The following TBL1X variants were observed in gnomAD, a reference collection of about 807,000 sequenced individuals.
TBL1X encodes the protein transducin beta like 1 X-linked, also known as F-box-like/WD repeat-containing protein TBL1X.
A neutral mutation model predicts 50.7 loss-of-function variants in TBL1X; 10 were observed. The observed-to-expected ratio is 0.20, with a 90% confidence interval of 0.12 to 0.33. The LOEUF is 0.33. TBL1X is among the 10% of genes least tolerant of loss of function. TBL1X has a pLI of 1.00. For synonymous variants in TBL1X, 190 were observed against 214.7 expected (o/e 0.88, Z 1.01); for missense variants, 340 against 504.4 (o/e 0.67, Z 3.12).
rs150250433 is a variant in TBL1X, at chrX:9,660,304, C to T, written c.211+5982C>T. On this transcript the variant is annotated intron_variant, in intron 5 of 17. Transcript: ENST00000645353. The stretch of plus-strand genomic sequence containing the variant: ...AAAAACCATGTGATGATGGTGGTGG[C>T]GACAGTACTGAAGAAAAAGAAACAC... Among the ~76,000 whole-genome samples the T allele has an allele frequency of 2.7e-4, 30 of 112,383 alleles. 1 individual carries two copies. In the East Asian group the frequency reaches 7.8e-3, roughly 29 times the overall value.
intron 2 of TBL1X, among the ~76,000 whole-genome samples, chrX:9,608,755 A>G (rs746231817): frequency 2.2e-4 from 25 of 112,255 alleles, no homozygotes; most frequent in South Asian, 1.5e-3. Flanking sequence ...CGTAAATGCA[A>G]TAACAAGGCC....
At chrX:9,706,002 C>T (rs1413053373) in intron 13 of TBL1X, among the ~76,000 whole-genome samples, 4 of 110,770 alleles carry the variant, frequency 3.6e-5, no homozygotes, top group African/African-American at 1.3e-4. Context: ...ATGGCCAGAG[C>T]AGGGGCAAGA....
intron 2 of TBL1X, among the ~76,000 whole-genome samples, chrX:9,520,332 A>G (rs2082101040): frequency 9.0e-6 from 1 of 111,451 alleles, no homozygotes; most frequent in Non-Finnish European, 1.9e-5. Flanking sequence ...CCACCGAGGG[A>G]CTGTGGTCTA....
At chrX:9,679,844 G>A (rs1404735939) in intron 5 of TBL1X, among the ~76,000 whole-genome samples, 2 of 112,028 alleles carry the variant, frequency 1.8e-5, no homozygotes, top group Non-Finnish European at 3.8e-5. Context: ...ACCTGGTTCT[G>A]GCAACTGTGG....
intron 2 of TBL1X, among the ~76,000 whole-genome samples, chrX:9,535,486 A>G (rs1278960427): frequency 1.8e-5 from 2 of 112,368 alleles, no homozygotes; most frequent in African/African-American, 6.5e-5. Context: ...TCTCCCCTGC[A>G]TACCTGATCG....
At chrX:9,596,758 G>T (rs1191318293) in intron 2 of TBL1X, among the ~76,000 whole-genome samples, 8 of 111,112 alleles carry the variant, frequency 7.2e-5, no homozygotes, top group African/African-American at 2.6e-4. Context: ...GGGGAGGGAC[G>T]TGACTCCTGC....
chrX:9,693,458 G>T, intron 11 of TBL1X, 39 bp downstream of exon 11: 1 of 1,117,978 alleles, frequency 8.9e-7, no homozygotes, highest in Non-Finnish European at 1.2e-6. Context: ...TGATCTATAG[G>T]TGGTTATATA....
At chrX:9,541,853 A>G (rs963687418) in intron 2 of TBL1X, among the ~76,000 whole-genome samples, 2 of 111,552 alleles carry the variant, frequency 1.8e-5, no homozygotes, top group African/African-American at 3.3e-5. Context: ...TAATTTTCTT[A>G]AAGTTGACAA....
intron 8 of TBL1X, 35 bp downstream of exon 8, chrX:9,691,746 G>A: frequency 8.3e-7 from 1 of 1,202,012 alleles, no homozygotes; most frequent in Non-Finnish European, 1.1e-6. Flanking sequence ...CTCCAGAGTT[G>A]GGGAGATGGG....
intron 2 of TBL1X, among the ~76,000 whole-genome samples, chrX:9,610,664 C>G (rs2082608874): frequency 8.9e-6 from 1 of 112,205 alleles, no homozygotes; most frequent in Non-Finnish European, 1.9e-5. Flanking sequence ...AGGTAGAAAG[C>G]TTACCTAATG....
At chrX:9,564,231 C>T (rs753905697) in intron 2 of TBL1X, among the ~76,000 whole-genome samples, 153 of 111,396 alleles carry the variant, frequency 1.4e-3, no homozygotes, top group Non-Finnish European at 2.3e-3. Context: ...ACCAGCCTGG[C>T]CAACACGGTG....
chrX:9,538,101 C>T (rs2082198181), intron 2 of TBL1X, among the ~76,000 whole-genome samples: 2 of 112,248 alleles, frequency 1.8e-5, no homozygotes, highest in South Asian at 3.7e-4. Flanking sequence ...AGGTCATTGG[C>T]GTTGAAATCG....
intron 5 of TBL1X, among the ~76,000 whole-genome samples, chrX:9,661,486 T>C (rs913281850): frequency 2.7e-5 from 3 of 111,080 alleles, no homozygotes; most frequent in African/African-American, 9.8e-5. Flanking sequence ...AATTGTGCTA[T>C]TGCACTCCAG....
chrX:9,466,397 G>A (rs1182133232), intron 1 of TBL1X, among the ~76,000 whole-genome samples: 2 of 112,719 alleles, frequency 1.8e-5, no homozygotes, highest in Non-Finnish European at 3.8e-5. Context: ...ACCGGGGCCG[G>A]GGCTCGCTCC....
chrX:9,600,360 C>G (rs1460758371), intron 2 of TBL1X, among the ~76,000 whole-genome samples: 1 of 103,022 alleles, frequency 9.7e-6, no homozygotes, highest in Non-Finnish European at 1.9e-5. Context: ...TGATAAGGCA[C>G]TAATCCCATT....
chrX:9,656,489 A>G (rs946515047), intron 5 of TBL1X, among the ~76,000 whole-genome samples: 1 of 112,134 alleles, frequency 8.9e-6, no homozygotes, highest in Non-Finnish European at 1.9e-5. Context: ...AGAAACCCCC[A>G]TCCCTCCCCA....
At position 9,711,752 on chromosome X, in the gene TBL1X, G is replaced by T; in HGVS notation, c.1581G>T (p.Lys527Asn). The T allele has an allele frequency of 8.3e-7, 1 of 1,203,004 alleles. No homozygotes were observed. The change falls in exon 16 of 18, where the codon AAG becomes AAT. Residue 527 changes from lysine to asparagine, a missense_variant. By Grantham distance (94) the Lys-to-Asn change is moderately conservative (BLOSUM62 0). This residue lies in a region of TBL1X where 170 missense variants were observed against 272.6 expected (regional missense o/e 0.62). Transcript: ENST00000645353. ...GKYLASGSFD[K>N]CVHIWNTQSG... ...ACTTGGCCAGTGGATCCTTCGACAA[G>T]TGCGTCCATATCTGGAATACTCAGG...
chrX:9,477,790 A>G (rs749369454), intron 1 of TBL1X, among the ~76,000 whole-genome samples: 50 of 111,707 alleles, frequency 4.5e-4, no homozygotes, highest in Non-Finnish European at 6.4e-4. Context: ...AACATTTTCA[A>G]TTCCCAATAA....
chrX:9,497,789 C>CCTCT lies in TBL1X; in HGVS notation c.-200-3987_-200-3984dup, dbSNP rs1173106289. 3.7e-5 allele frequency among the ~76,000 whole-genome samples: 3 copies of CCTCT among 81,440 alleles called. No individual in the cohort carries two copies. The East Asian group carries it at 1.4e-3, about 39-fold the overall frequency. The allele number at this position is 81,440 out of a possible 115,157, so 70.7% of individuals were successfully genotyped here. A position where few individuals can be genotyped will look rare whatever the true frequency, so the allele number is the denominator to read the frequency against. ...CCCTCCCTCCCTCTCTCTCTCCCTC[C>CCTCT]CTCTCTCCGTCTCTTCCTCCCTCCC... On this transcript the variant is annotated intron_variant, in intron 1 of 17. Transcript: ENST00000645353.
Sources: allele counts gnomAD v4.1 joint callset (sites outside exome capture counted in the v4.1 genomes callset), GRCh38; gene constraint gnomAD v4.1.1; regional missense constraint gnomAD v4.1.1; transcripts MANE v1.5; gene names NCBI Gene and HGNC (gene_info 2026-07-23, HGNC 2026-07-21).